FRMD4A: variants seen among roughly 807,000 people sequenced by gnomAD.
FRMD4A encodes FERM domain containing 4A.
FRMD4A carries 29 observed loss-of-function variants against 129.1 expected under a neutral mutation model. The observed-to-expected ratio is 0.22, with a 90% CI of 0.17 to 0.31. The LOEUF is 0.31. FRMD4A is among the 10% of genes least tolerant of loss of function. FRMD4A has a pLI of 1.00. For synonymous variants in FRMD4A, 634 were observed against 571.6 expected (o/e 1.11, Z -1.56); for missense variants, 1,272 against 1,375.8 (o/e 0.92, Z 1.19).
chr10:13,750,197 C>T lies in FRMD4A; in HGVS notation c.465-2378G>A, dbSNP rs1485985565. Among the ~76,000 whole-genome samples, 3 of 70,652 alleles carry T rather than the reference C, an allele frequency of 4.2e-5. No homozygotes were observed. In the South Asian group the frequency reaches 1.8e-3, roughly 43 times the overall value. 46.4% of individuals were successfully genotyped at this position (70,652 alleles called of 152,430 possible). On this transcript the variant is annotated intron_variant, in intron 8 of 24. Transcript: ENST00000357447. ...ACCATGACCAGTGGTGTTGGTGAAT[C>T]CTGACCATGACCAACTAGAGGGAAA...
chr10:13,793,620 T>A (rs776726721), intron 5 of FRMD4A, among the ~76,000 whole-genome samples: 9 of 152,062 alleles, frequency 5.9e-5, no homozygotes, highest in Non-Finnish European at 1.3e-4. Context: ...GCAGGTGCCA[T>A]GGCTGGAGTG....
chr10:13,949,301 CA>C (rs34006963), intron 2 of FRMD4A, among the ~76,000 whole-genome samples: 1,478 of 98,924 alleles, frequency 0.015, 28 homozygotes, highest in African/African-American at 0.066. Context: ...TTCTAGTGAT[CA>C]AAAAAAAAAA....
chr10:14,092,231 C>G (rs531795356), intron 2 of FRMD4A, among the ~76,000 whole-genome samples: 1 of 152,326 alleles, frequency 6.6e-6, no homozygotes, highest in East Asian at 1.9e-4. Context: ...TAGAACCCAA[C>G]AGACAGTGAC....
intron 15 of FRMD4A, among the ~76,000 whole-genome samples, chr10:13,683,762 G>C (rs1047853467): frequency 6.6e-6 from 1 of 151,676 alleles, no homozygotes; most frequent in African/African-American, 2.4e-5. Flanking sequence ...GCCCAGGCTG[G>C]AGTGCAGTGG....
intron 2 of FRMD4A, among the ~76,000 whole-genome samples, chr10:14,241,812 T>C (rs1272870154): frequency 6.6e-6 from 1 of 151,554 alleles, no homozygotes; most frequent in Middle Eastern, 3.2e-3. Context: ...AGGAGTTTGT[T>C]GTCCATCTGC....
chr10:13,675,766 GATA>G (rs1411631370), intron 15 of FRMD4A: 1 of 152,092 alleles, frequency 6.6e-6, no homozygotes, highest in Non-Finnish European at 1.5e-5. Flanking sequence ...TTAGTGCAAA[GATA>G]ATGTGTGTTT....
intron 15 of FRMD4A, among the ~76,000 whole-genome samples, chr10:13,691,591 G>A (rs990449232): frequency 3.3e-5 from 5 of 152,178 alleles, no homozygotes; most frequent in African/African-American, 1.2e-4. Context: ...ACTTGTTAGA[G>A]GTGTAAATTC....
chr10:13,952,956 TA>T (rs961114993), intron 2 of FRMD4A, among the ~76,000 whole-genome samples: 1 of 152,102 alleles, frequency 6.6e-6, no homozygotes, highest in Non-Finnish European at 1.5e-5. Context: ...CTCAGCCTCC[TA>T]ACATGCTGGG....
In FRMD4A at chr10:13,688,671, G is replaced by A. The variant is rs141094786; in HGVS notation, c.1117+5227C>T. ...ACTTTTTTATTTGAAATGCTAATCC[G>A]TGGCTCAGGGCATTGGTAGGTATGG... On this transcript the variant is annotated intron_variant, in intron 15 of 24. Coordinates refer to ENST00000357447, the MANE Select transcript of FRMD4A (RefSeq NM_018027.5). 5.8e-3 allele frequency among the ~76,000 whole-genome samples: 875 copies of A among 152,028 alleles called. 5 individuals carry two copies. Among genetic ancestry groups the A allele is most frequent in the Middle Eastern group, 0.024 (7 of 294 alleles).
intron 9 of FRMD4A, among the ~76,000 whole-genome samples, chr10:13,747,187 G>A (rs1449741669): frequency 8.9e-6 from 1 of 112,042 alleles, no homozygotes; most frequent in Non-Finnish European, 2.0e-5. Flanking sequence ...AAAAAAAAAA[G>A]AAGAAGAAAC....
intron 2 of FRMD4A, among the ~76,000 whole-genome samples, chr10:13,984,994 TC>T (rs1220768895): frequency 1.3e-5 from 2 of 152,376 alleles, no homozygotes; most frequent in South Asian, 2.1e-4. Flanking sequence ...CAGCGCTTGC[TC>T]CACTCCTGAA....
intron 3 of FRMD4A, among the ~76,000 whole-genome samples, chr10:13,832,027 A>T (rs1188519270): frequency 6.6e-6 from 1 of 152,126 alleles, no homozygotes; most frequent in Non-Finnish European, 1.5e-5. Context: ...ATCAAACAGA[A>T]CAAAAGCAAA....
chr10:14,140,947 C>T (rs552867671), intron 2 of FRMD4A, among the ~76,000 whole-genome samples: 5 of 152,116 alleles, frequency 3.3e-5, no homozygotes, highest in Admixed American at 6.5e-5. Flanking sequence ...TGGCAGGGAC[C>T]GGCCAGCAAT....
At chr10:13,971,973 A>C in intron 2 of FRMD4A, 1 of 1,191,224 alleles carries the variant, frequency 8.4e-7, no homozygotes. Context: ...CCTCACCACC[A>C]CCCTCACTAA....
intron 2 of FRMD4A, among the ~76,000 whole-genome samples, chr10:13,966,901 G>C (rs1407158924): frequency 1.3e-5 from 2 of 152,200 alleles, no homozygotes; most frequent in Non-Finnish European, 2.9e-5. Flanking sequence ...GCCATAAAAA[G>C]GAATGAATTA....
intron 2 of FRMD4A, among the ~76,000 whole-genome samples, chr10:13,928,155 G>A (rs1277526996): frequency 6.6e-6 from 1 of 151,612 alleles, no homozygotes. Context: ...CAAGTAGTTG[G>A]GACTATAGGT....
rs184872581 is a variant in FRMD4A, at chr10:13,760,240, G to T, written c.464+1407C>A. Reference sequence around the variant, plus strand: ...CAAAACTCAAGATACTGACAATCTGGCCCTCAACAAAAAAAGCTCGCCGAT... The same window carrying T: ...CAAAACTCAAGATACTGACAATCTGTCCCTCAACAAAAAAAGCTCGCCGAT... On this transcript the variant is annotated intron_variant, in intron 8 of 24. Coordinates refer to ENST00000357447, the MANE Select transcript of FRMD4A (RefSeq NM_018027.5). 1.0e-3 allele frequency among the ~76,000 whole-genome samples: 154 copies of T among 152,038 alleles called. 1 individual carries two copies. In the South Asian group the frequency reaches 0.03, roughly 30 times the overall value.
intron 2 of FRMD4A, among the ~76,000 whole-genome samples, chr10:14,070,511 T>A (rs1244493940): frequency 1.3e-5 from 2 of 152,048 alleles, no homozygotes; most frequent in African/African-American, 4.8e-5. Context: ...AAGGTAAGCA[T>A]TGAAGAGATG....
At chr10:14,260,879 T>C (rs1459225517) in intron 2 of FRMD4A, among the ~76,000 whole-genome samples, 2 of 152,212 alleles carry the variant, frequency 1.3e-5, no homozygotes, top group Non-Finnish European at 2.9e-5. Flanking sequence ...AAATTCAGAA[T>C]GTTGGATTCT....
Sources: gnomAD v4.1 joint callset for allele counts (sites outside exome capture counted in the v4.1 genomes callset) on GRCh38, gnomAD v4.1.1 for gene constraint, MANE v1.5 for transcripts, NCBI Gene and HGNC (gene_info 2026-07-23, HGNC 2026-07-21) for gene names.